Variants in RNF150 observed in about 807,000 individuals in gnomAD.
RNF150 encodes the protein ring finger protein 150.
In RNF150, 24 loss-of-function variants were observed where a neutral mutation model predicts 39.3. The ratio of observed to expected loss-of-function variants is 0.61; its 90% CI spans 0.44 to 0.86. The LOEUF (loss-of-function observed/expected upper bound fraction) is 0.86, where lower values mean the gene tolerates loss of function less well. Among genes scored for constraint, RNF150 ranks in the 40% least tolerant of loss-of-function variants. RNF150 has a pLI of 0.00. For missense variants in RNF150, 502 were observed against 587.8 expected, an observed-to-expected ratio of 0.85 and a Z score of 1.51; for synonymous variants, 255 against 227.3, an observed-to-expected ratio of 1.12 and a Z score of -1.10.
intron 1 of RNF150, among the ~76,000 whole-genome samples, chr4:141,060,271 A>G (rs1737161865): frequency 6.6e-6 from 1 of 152,160 alleles, no homozygotes; most frequent in South Asian, 2.1e-4. Flanking sequence ...TGAGACCTCC[A>G]TCTCTACAAA....
At chr4:141,181,265 T>C (rs865945525) in intron 1 of RNF150, among the ~76,000 whole-genome samples, 12 of 152,314 alleles carry the variant, frequency 7.9e-5, no homozygotes, top group African/African-American at 1.4e-4. Context: ...AATGGACAGA[T>C]GTTCTTGGTA....
At chr4:141,192,684 AC>A (rs1212249796) in intron 1 of RNF150, among the ~76,000 whole-genome samples, 1 of 152,228 alleles carries the variant, frequency 6.6e-6, no homozygotes, top group Non-Finnish European at 1.5e-5. Flanking sequence ...CATATCCCGC[AC>A]AACGCAGAAG....
At chr4:140,903,879 C>G (rs1331078365) in intron 6 of RNF150, among the ~76,000 whole-genome samples, 3 of 152,194 alleles carry the variant, frequency 2.0e-5, no homozygotes, top group African/African-American at 7.2e-5. Context: ...TTGATTGATT[C>G]TCTCACAGGC....
At chr4:140,987,130 TA>T (rs1012709281) in intron 1 of RNF150, among the ~76,000 whole-genome samples, 8 of 151,482 alleles carry the variant, frequency 5.3e-5, no homozygotes, top group Non-Finnish European at 8.9e-5. Flanking sequence ...ATGACACAAA[TA>T]AAAAAATATT....
chr4:140,992,657 C>T (rs570757249), intron 1 of RNF150, among the ~76,000 whole-genome samples: 7 of 152,148 alleles, frequency 4.6e-5, no homozygotes, highest in Middle Eastern at 3.4e-3. Context: ...GCTTTCTAAC[C>T]CTGGCCCTCC....
chr4:140,900,538 A>G (rs765080348), intron 6 of RNF150, among the ~76,000 whole-genome samples: 12 of 152,316 alleles, frequency 7.9e-5, no homozygotes, highest in Non-Finnish European at 4.4e-5. Context: ...CTGCTCAGGA[A>G]CTAAAGTAGT....
chr4:140,896,712 ACAAAC>A lies in RNF150; in HGVS notation c.1198+14427_1198+14431del, dbSNP rs761016562. Among the ~76,000 whole-genome samples, 20 of 117,180 alleles carry A rather than the reference ACAAAC, an allele frequency of 1.7e-4. 1 individual carries two copies. Among genetic ancestry groups the A allele is most frequent in the East Asian group, 3.3e-4 (1 of 3,050 alleles). The allele number at this position is 117,180 out of a possible 152,430, so 76.9% of individuals were successfully genotyped here. A position where few individuals can be genotyped will look rare whatever the true frequency, so the allele number is the denominator to read the frequency against. On this transcript the variant is annotated intron_variant, in intron 6 of 6. Transcript: ENST00000515673. ...TAAAAAAAAAAAAACAAAAAAACAAACAAACAAACAAAAAAAAATAATTTTTTTTC... is the reference window on the plus strand; with the variant it reads ...TAAAAAAAAAAAAACAAAAAAACAAAAAACAAAAAAAAATAATTTTTTTTC...
intron 1 of RNF150, among the ~76,000 whole-genome samples, chr4:141,022,047 G>A (rs188704219): frequency 2.8e-4 from 43 of 152,278 alleles, no homozygotes; most frequent in Non-Finnish European, 5.1e-4. Flanking sequence ...TGCTGTGGTC[G>A]TAGCAATTGG....
chr4:141,161,363 T>A (rs990041813), intron 1 of RNF150, among the ~76,000 whole-genome samples: 29 of 152,196 alleles, frequency 1.9e-4, no homozygotes, highest in Non-Finnish European at 1.5e-5. Flanking sequence ...TGGCTTCTTC[T>A]AACAACCTAT....
At chr4:141,090,394 T>C (rs752987972) in intron 1 of RNF150, among the ~76,000 whole-genome samples, 1 of 152,158 alleles carries the variant, frequency 6.6e-6, no homozygotes, top group African/African-American at 2.4e-5. Flanking sequence ...AGACATAAAA[T>C]TTTAAGTAGC....
At chr4:141,142,372 C>T (rs1727131208) in intron 1 of RNF150, among the ~76,000 whole-genome samples, 1 of 152,198 alleles carries the variant, frequency 6.6e-6, no homozygotes, top group South Asian at 2.1e-4. Flanking sequence ...TTACCATGAT[C>T]TCCTCCCTCT....
intron 1 of RNF150, among the ~76,000 whole-genome samples, chr4:141,011,518 T>A (rs1735073960): frequency 6.6e-6 from 1 of 152,250 alleles, no homozygotes. Context: ...ATAGCTCCTG[T>A]CCAGACAACA....
intron 6 of RNF150, among the ~76,000 whole-genome samples, chr4:140,878,959 ACTTT>A (rs1471212042): frequency 2.0e-5 from 3 of 152,144 alleles, no homozygotes; most frequent in Admixed American, 2.0e-4. Context: ...GGGTCCAATT[ACTTT>A]CTTTTGCAAT....
At chr4:141,015,488 T>A (rs1735235745) in intron 1 of RNF150, among the ~76,000 whole-genome samples, 1 of 152,232 alleles carries the variant, frequency 6.6e-6, no homozygotes, top group Non-Finnish European at 1.5e-5. Flanking sequence ...GTTAAATTTA[T>A]ACTTATGTAT....
intron 1 of RNF150, among the ~76,000 whole-genome samples, chr4:141,034,649 G>T (rs562725141): frequency 3.9e-5 from 6 of 152,238 alleles, no homozygotes; most frequent in African/African-American, 1.4e-4. Context: ...TGAACACTTA[G>T]AGGCCACGGT....
chr4:141,162,934 C>G (rs1463988645), intron 1 of RNF150, among the ~76,000 whole-genome samples: 1 of 152,166 alleles, frequency 6.6e-6, no homozygotes, highest in Admixed American at 6.5e-5. Context: ...CTAGTGGCAT[C>G]TGGAATGCCA....
intron 1 of RNF150, among the ~76,000 whole-genome samples, chr4:141,181,591 G>C (rs574007111): frequency 2.0e-5 from 3 of 152,108 alleles, no homozygotes; most frequent in Non-Finnish European, 4.4e-5. Context: ...CATTCCTACT[G>C]ACTTACTCAA....
chr4:140,947,669 C>T lies in RNF150; in HGVS notation c.875G>A (p.Arg292Gln), dbSNP rs759014249. The change falls in exon 4 of 7, where the codon CGG (arginine) becomes CAG (glutamine). Residue 292 changes from arginine to glutamine, a missense_variant. Coordinates refer to ENST00000515673, the MANE Select transcript of RNF150 (RefSeq NM_020724.2). ...AGTGACTCACCGGCAGGGCAGGATC[C>T]GGACAACGTCATTGGGCTTGTACCC... is the stretch of plus-strand genomic sequence containing the variant. ...IEGYKPNDVV[R>Q]ILPCRHLFHK... The T allele has an allele frequency of 1.6e-5, 25 of 1,610,508 alleles. 1 individual carries two copies. Among genetic ancestry groups the T allele is most frequent in the East Asian group, 2.2e-5 (1 of 44,734 alleles).
rs1232600026 is a variant in RNF150 at position 140,999,983 on chromosome 4, GA to G, written c.485-32111del. Among the ~76,000 whole-genome samples, 31 of 37,774 alleles carry G rather than the reference GA, an allele frequency of 8.2e-4. 1 individual carries two copies. The highest frequency in any genetic ancestry group is 4.3e-3 in the East Asian group (6 of 1,410). The allele number at this position is 37,774 out of a possible 152,430, so 24.8% of individuals were successfully genotyped here. On this transcript the variant is annotated intron_variant, in intron 1 of 6. Transcript: ENST00000515673. ...AAGAAGAAGAAGAAGAAGAAAAGAA[GA>G]AAAGAAGAAAAGAAGAAGAAGAAGA...
Sources: gnomAD v4.1 joint callset for allele counts (sites outside exome capture counted in the v4.1 genomes callset) on GRCh38, gnomAD v4.1.1 for gene constraint, MANE v1.5 for transcripts, NCBI Gene and HGNC (gene_info 2026-07-23, HGNC 2026-07-21) for gene names.